Variants in GRIP1 observed in about 807,000 individuals in gnomAD.
The protein encoded by GRIP1 is glutamate receptor interacting protein 1.
Under a neutral mutation model 129.9 loss-of-function variants are expected in GRIP1, and 45 were observed. That is an observed-to-expected ratio of 0.35 (90% CI 0.27 to 0.44). GRIP1 has a LOEUF of 0.44. Ranked by LOEUF, GRIP1 falls within the 20% of genes least tolerant of loss-of-function variation. The probability of loss-of-function intolerance (pLI) is 1.00; values close to 1 mark genes in which losing one functional copy is unlikely to be tolerated. For missense variants in GRIP1, 1,196 were observed against 1,396.8 expected (o/e 0.86, Z 2.29); for synonymous variants, 530 against 520.8 (o/e 1.02, Z -0.24).
intron 1 of GRIP1, among the ~76,000 whole-genome samples, chr12:66,893,233 T>C (rs569964212): frequency 6.6e-6 from 1 of 152,224 alleles, no homozygotes; most frequent in African/African-American, 2.4e-5. Context: ...AGCTGTTAAA[T>C]GTATTTGATA....
At chr12:66,595,524 T>C (rs958452834) in intron 2 of GRIP1, among the ~76,000 whole-genome samples, 5 of 152,184 alleles carry the variant, frequency 3.3e-5, no homozygotes, top group Admixed American at 1.3e-4. Flanking sequence ...CAAGAAAGAA[T>C]TGATGGGTAA....
At chr12:66,803,471 T>C (rs982635758) in intron 1 of GRIP1, among the ~76,000 whole-genome samples, 4 of 152,332 alleles carry the variant, frequency 2.6e-5, no homozygotes, top group East Asian at 1.9e-4. Flanking sequence ...TGTCTCAATA[T>C]AGACATATTA....
At chr12:67,067,714 G>T (rs918776447) in intron 1 of GRIP1, among the ~76,000 whole-genome samples, 4 of 152,082 alleles carry the variant, frequency 2.6e-5, no homozygotes, top group African/African-American at 9.7e-5. Flanking sequence ...TTGTACATTG[G>T]TTCTTCAGTA....
chr12:66,439,772 C>G (rs758628995), intron 13 of GRIP1, among the ~76,000 whole-genome samples: 1 of 152,174 alleles, frequency 6.6e-6, no homozygotes, highest in Non-Finnish European at 1.5e-5. Context: ...TTCATCTGCT[C>G]TCCCAGAAGC....
At chr12:66,585,977 C>T (rs2063616499) in intron 2 of GRIP1, among the ~76,000 whole-genome samples, 1 of 152,066 alleles carries the variant, frequency 6.6e-6, no homozygotes, top group Non-Finnish European at 1.5e-5. Flanking sequence ...GCACGATTTT[C>T]TCTCATTCCA....
chr12:66,715,198 T>C (rs946355396), intron 1 of GRIP1, among the ~76,000 whole-genome samples: 2 of 152,028 alleles, frequency 1.3e-5, no homozygotes, highest in African/African-American at 2.4e-5. Context: ...CAGCAAGGTG[T>C]ACAGGGTCTT....
At chr12:66,455,282 C>T (rs11613371) in intron 11 of GRIP1, 127 bp downstream of exon 11, 229,155 of 865,536 alleles carry the variant, frequency 0.26, 31,962 homozygotes, top group Middle Eastern at 0.37. Context: ...GAGCTGTTAG[C>T]TGCTCAGCAT....
chr12:66,411,354 C>A (rs146852245), intron 15 of GRIP1, among the ~76,000 whole-genome samples: 217 of 152,148 alleles, frequency 1.4e-3, no homozygotes, highest in African/African-American at 5.0e-3. Context: ...CTGGAGTAGA[C>A]CCCCAGCAAA....
At chr12:66,869,599 T>C (rs1405030589) in intron 1 of GRIP1, among the ~76,000 whole-genome samples, 1 of 152,038 alleles carries the variant, frequency 6.6e-6, no homozygotes, top group Non-Finnish European at 1.5e-5. Context: ...GTGATGAGCA[T>C]AAATGGCAAA....
At chr12:66,844,748 A>G (rs1238009891) in intron 1 of GRIP1, among the ~76,000 whole-genome samples, 1 of 152,238 alleles carries the variant, frequency 6.6e-6, no homozygotes, top group Non-Finnish European at 1.5e-5. Context: ...GTGTACATAG[A>G]TACTTAGATA....
At chr12:66,804,943 G>A (rs767719827), upstream of GRIP1, among the ~76,000 whole-genome samples, 1 of 152,124 alleles carries the variant, frequency 6.6e-6, no homozygotes, top group African/African-American at 2.4e-5. Flanking sequence ...GCTTTCAAAT[G>A]ACACGTTTAC....
chr12:66,797,186 T>C (rs2038723822), intron 1 of GRIP1, among the ~76,000 whole-genome samples: 1 of 152,190 alleles, frequency 6.6e-6, no homozygotes, highest in South Asian at 2.1e-4. Flanking sequence ...TCATGGTGAA[T>C]GATCTGGTGA....
chr12:66,577,360 T>C (rs1427791135), intron 2 of GRIP1, among the ~76,000 whole-genome samples: 2 of 152,170 alleles, frequency 1.3e-5, no homozygotes, highest in Admixed American at 6.5e-5. Context: ...TCTAAAAATA[T>C]TGAAGCAGAA....
In GRIP1 at chr12:66,756,290, T is replaced by C. The variant is rs900846792; in HGVS notation, c.-420+47763A>G. 2.0e-5 allele frequency among the ~76,000 whole-genome samples: 3 copies of C among 152,140 alleles called. No homozygotes were observed. In the South Asian group the frequency reaches 6.2e-4, roughly 32 times the overall value. On this transcript the variant is annotated intron_variant, in intron 1 of 4. Transcript: ENST00000538373. Reference sequence around the variant, plus strand: ...TGAGTGCAATCATATCATATTTGTCTTTTGGTGACTCTCTTCCCTTTTCCT... The same window carrying C: ...TGAGTGCAATCATATCATATTTGTCCTTTGGTGACTCTCTTCCCTTTTCCT...
intron 1 of GRIP1, among the ~76,000 whole-genome samples, chr12:66,613,757 T>C (rs1403452232): frequency 1.3e-5 from 2 of 152,212 alleles, no homozygotes; most frequent in Non-Finnish European, 2.9e-5. Flanking sequence ...CGATTTGTTC[T>C]TTCCCTGAAT....
At chr12:66,523,053 C>T (rs4913536) in intron 5 of GRIP1, among the ~76,000 whole-genome samples, 27,070 of 151,554 alleles carry the variant, frequency 0.18, 2,633 homozygotes, top group East Asian at 0.31. Context: ...CTACGTCTGA[C>T]TGGTGTACCT....
chr12:66,371,976 A>G (rs1323429760), intron 22 of GRIP1, 49 bp from the exon 23 acceptor site: 2 of 1,218,052 alleles, frequency 1.6e-6, no homozygotes, highest in Admixed American at 3.4e-5. Flanking sequence ...GACTAAGGAA[A>G]GGATTTGGTG....
intron 2 of GRIP1, among the ~76,000 whole-genome samples, chr12:66,549,837 C>T (rs1565851806): frequency 6.6e-6 from 1 of 152,084 alleles, no homozygotes; most frequent in Non-Finnish European, 1.5e-5. Context: ...TGGGATTTAT[C>T]TCATGCAGTG....
intron 1 of GRIP1, among the ~76,000 whole-genome samples, chr12:66,934,927 A>G (rs531899609): frequency 6.6e-6 from 1 of 152,352 alleles, no homozygotes; most frequent in East Asian, 1.9e-4. Context: ...ATGAAAGGGG[A>G]ATTGCCAAAG....
Sources: allele counts gnomAD v4.1 joint callset (sites outside exome capture counted in the v4.1 genomes callset), GRCh38; gene constraint gnomAD v4.1.1; transcripts MANE v1.5; gene names NCBI Gene and HGNC (gene_info 2026-07-23, HGNC 2026-07-21).